NTRK2: variants seen among roughly 807,000 people sequenced by gnomAD.
The protein encoded by NTRK2 is neurotrophic receptor tyrosine kinase 2.
In NTRK2, 13 loss-of-function variants were observed where a neutral mutation model predicts 94.5. The observed-to-expected ratio is 0.14, with a 90% CI of 0.09 to 0.22. The LOEUF (loss-of-function observed/expected upper bound fraction) is 0.22. NTRK2 is among the 10% of genes least tolerant of loss of function. The pLI, the probability that NTRK2 is intolerant of heterozygous loss-of-function variation, is 1.00. For synonymous variants in NTRK2, 372 were observed against 407.4 expected (o/e 0.91, Z 1.05); for missense variants, 639 against 1,071.2 (o/e 0.60, Z 5.63).
chr9:84,937,622 GT>G (rs895592822), intron 15 of NTRK2, among the ~76,000 whole-genome samples: 1 of 151,918 alleles, frequency 6.6e-6, no homozygotes, highest in African/African-American at 2.4e-5. Flanking sequence ...GATGACCTTT[GT>G]TTTTTTAGTG....
intron 12 of NTRK2, among the ~76,000 whole-genome samples, chr9:84,780,150 A>G (rs1354002793): frequency 6.6e-6 from 1 of 152,140 alleles, no homozygotes; most frequent in Non-Finnish European, 1.5e-5. Flanking sequence ...AGGGAAGAAA[A>G]AAAACCTGAG....
intron 14 of NTRK2, among the ~76,000 whole-genome samples, chr9:84,898,479 GTTTCTTTCTTTC>G (rs56810834): frequency 8.6e-5 from 13 of 151,812 alleles, no homozygotes; most frequent in African/African-American, 2.9e-4. Flanking sequence ...AGTGTTTTCA[GTTTCTTTCTTTC>G]TTTCTTTCTT....
rs552338113 is a variant in NTRK2 at position 84,730,511 on chromosome 9, C to T, written c.1159+2552C>T. Among the ~76,000 whole-genome samples the T allele has an allele frequency of 2.0e-3, 285 of 139,176 alleles. 37 individuals carry two copies. Among genetic ancestry groups the T allele is most frequent in the African/African-American group, 8.2e-3 (265 of 32,230 alleles). The allele number at this position is 139,176 out of a possible 152,430, so 91.3% of individuals were successfully genotyped here. ...ATCCCAGCACTTTGGGAGGCCGAGGCGGGCGGATCACGAGGTCAGGAGATC... is the reference window on the plus strand; with the variant it reads ...ATCCCAGCACTTTGGGAGGCCGAGGTGGGCGGATCACGAGGTCAGGAGATC... On this transcript the variant is annotated intron_variant, in intron 9 of 18. Transcript: ENST00000277120.
intron 12 of NTRK2, among the ~76,000 whole-genome samples, chr9:84,836,405 G>A (rs1411723475): frequency 6.6e-6 from 1 of 151,822 alleles, no homozygotes; most frequent in Non-Finnish European, 1.5e-5. Flanking sequence ...ATGCTCCTGA[G>A]TTGAATTAAA....
At chr9:84,668,965 G>A (rs2058530223), upstream of NTRK2, among the ~76,000 whole-genome samples, 1 of 152,140 alleles carries the variant, frequency 6.6e-6, no homozygotes, top group Non-Finnish European at 1.5e-5. Context: ...CATCAGGCGC[G>A]CTCCCTTCCC....
chr9:84,677,486 C>A (rs1564028035), intron 2 of NTRK2, among the ~76,000 whole-genome samples: 1 of 152,092 alleles, frequency 6.6e-6, no homozygotes, highest in Non-Finnish European at 1.5e-5. Flanking sequence ...AAGATTTGCT[C>A]CCATGGGACG....
intron 14 of NTRK2, among the ~76,000 whole-genome samples, chr9:84,893,341 G>A (rs1000877536): frequency 6.6e-6 from 1 of 152,206 alleles, no homozygotes; most frequent in Non-Finnish European, 1.5e-5. Context: ...CTGAAATCAT[G>A]TAAGTGCACC....
intron 12 of NTRK2, among the ~76,000 whole-genome samples, chr9:84,790,518 G>A (rs558637089): frequency 1.3e-5 from 2 of 152,278 alleles, no homozygotes; most frequent in South Asian, 2.1e-4. Context: ...ATGATTTAGA[G>A]GACTGCTTAA....
intron 14 of NTRK2, among the ~76,000 whole-genome samples, chr9:84,902,110 T>A (rs553519408): frequency 6.6e-6 from 1 of 151,860 alleles, no homozygotes; most frequent in East Asian, 1.9e-4. Context: ...GCAGGAGAAT[T>A]GTTTGAACCT....
intron 13 of NTRK2, among the ~76,000 whole-genome samples, chr9:84,864,990 CG>C (rs1442967778): frequency 6.6e-6 from 1 of 152,022 alleles, no homozygotes; most frequent in Non-Finnish European, 1.5e-5. Context: ...CTGCCTGCCT[CG>C]GCCTCCCAAA....
chr9:84,778,892 A>G (rs1333250633), intron 12 of NTRK2, among the ~76,000 whole-genome samples: 1 of 152,092 alleles, frequency 6.6e-6, no homozygotes, highest in Non-Finnish European at 1.5e-5. Context: ...TCCCTCCTCA[A>G]TGTTGAGGGA....
Position 84,816,320 on chromosome 9 carries a change from T to C in NTRK2, c.1397-44720T>C, listed in dbSNP as rs149161510. ...CCCATTTTTCCCATTGAAAACAGGA[T>C]GTAAAAGTGAGGTTTGTAGGACCTC... is the stretch of plus-strand genomic sequence containing the variant. On this transcript the variant is annotated intron_variant, in intron 12 of 18. Transcript: ENST00000277120. 9.0e-3 allele frequency among the ~76,000 whole-genome samples: 1,365 copies of C among 152,162 alleles called. 27 individuals carry two copies. Among genetic ancestry groups the C allele is most frequent in the African/African-American group, 0.032 (1,308 of 41,518 alleles).
chr9:84,967,652 A>G (rs936047767), intron 17 of NTRK2, among the ~76,000 whole-genome samples: 1 of 152,230 alleles, frequency 6.6e-6, no homozygotes, highest in African/African-American at 2.4e-5. Context: ...GAGCCCAGCT[A>G]TGTGGCCCAC....
intron 14 of NTRK2, among the ~76,000 whole-genome samples, chr9:84,880,125 A>G (rs1428465954): frequency 1.3e-5 from 2 of 152,226 alleles, no homozygotes; most frequent in Admixed American, 6.5e-5. Context: ...TCCTAGAAAA[A>G]GCAAGCTATA....
At chr9:84,687,309 T>A (rs927056341) in intron 2 of NTRK2, among the ~76,000 whole-genome samples, 2 of 152,250 alleles carry the variant, frequency 1.3e-5, no homozygotes, top group Admixed American at 1.3e-4. Context: ...ACGATAAGCC[T>A]AGGTGACCCT....
chr9:84,934,322 A>G, intron 15 of NTRK2, 30 bp downstream of exon 15: 1 of 1,612,848 alleles, frequency 6.2e-7, no homozygotes, highest in Non-Finnish European at 8.5e-7. Context: ...TGTCTCATTA[A>G]CCATGATCAC....
intron 14 of NTRK2, among the ~76,000 whole-genome samples, chr9:84,882,358 A>C (rs950104357): frequency 6.6e-6 from 1 of 152,176 alleles, no homozygotes; most frequent in African/African-American, 2.4e-5. Context: ...TAGATTCAAA[A>C]TTGACAACAA....
At chr9:84,696,636 A>G (rs2060394671) in intron 2 of NTRK2, among the ~76,000 whole-genome samples, 1 of 152,228 alleles carries the variant, frequency 6.6e-6, no homozygotes, top group African/African-American at 2.4e-5. Context: ...GACTCATAGA[A>G]AAATAAAATT....
At chr9:84,673,311 C>A (rs907579863) in intron 2 of NTRK2, among the ~76,000 whole-genome samples, 1 of 152,278 alleles carries the variant, frequency 6.6e-6, no homozygotes, top group East Asian at 1.9e-4. Flanking sequence ...TGTTCTTTTT[C>A]TTACATATTA....
Sources: gnomAD v4.1 joint callset for allele counts (sites outside exome capture counted in the v4.1 genomes callset) on GRCh38, gnomAD v4.1.1 for gene constraint, MANE v1.5 for transcripts, NCBI Gene and HGNC (gene_info 2026-07-23, HGNC 2026-07-21) for gene names.